Variants in FLNA observed in about 807,000 individuals in gnomAD.
FLNA encodes the protein filamin-A.
In FLNA, 7 loss-of-function variants were observed where a neutral mutation model predicts 157.6. The ratio of observed to expected loss-of-function variants is 0.04; its 90% CI spans 0.03 to 0.08. The LOEUF is 0.08. FLNA is among the 10% of genes least tolerant of loss of function. The pLI, the probability that FLNA is intolerant of heterozygous loss-of-function variation, is 1.00. For synonymous variants in FLNA, 1,103 were observed against 1,060.8 expected, an observed-to-expected ratio of 1.04 and a Z score of -0.77; for missense variants, 1,750 against 2,398.4, an observed-to-expected ratio of 0.73 and a Z score of 5.65.
In FLNA at chrX:154,357,506, C is replaced by T; in HGVS notation, c.4873G>A (p.Asp1625Asn). 8.3e-7 allele frequency: 1 copy of T among 1,211,843 alleles called. No individual in the cohort carries two copies. Among genetic ancestry groups the T allele is most frequent in the Non-Finnish European group, 1.1e-6 (1 of 895,272 alleles). The part of the protein sequence containing the change: ...RYTILIKYGG[D>N]EIPFSPYRVR... Reference sequence around the variant, plus strand: ...CGGTACGGGGAGAAGGGGATCTCGTCACCACCGTACTTGATGAGGATGGTG... The same window carrying T: ...CGGTACGGGGAGAAGGGGATCTCGTTACCACCGTACTTGATGAGGATGGTG... The change falls in exon 29 of 48, where the codon GAC (aspartate) becomes AAC (asparagine). Residue 1625 changes from aspartate to asparagine, a missense_variant. Physicochemically the swap from Asp to Asn is conservative, Grantham distance 23 (BLOSUM62 1). Transcript: ENST00000369850.
chrX:154,352,996 C>T lies in FLNA; in HGVS notation c.6226+5G>A, dbSNP rs782415960. The T allele has an allele frequency of 8.3e-7, 1 of 1,210,704 alleles. No homozygotes were observed. The highest frequency in any genetic ancestry group is 1.1e-6 in the Non-Finnish European group (1 of 894,607). The stretch of plus-strand genomic sequence containing the variant: ...CGCCCCAGCTGGTGGGCAGCCACTG[C>T]CTACCTGCATCGCGGGTATCAATGA... On this transcript the variant is annotated splice_donor_5th_base_variant and intron_variant, in intron 38 of 47. Coordinates refer to ENST00000369850, the MANE Select transcript of FLNA (RefSeq NM_001110556.2).
Position 154,359,484 on chromosome X carries a change from C to T in FLNA, c.4142G>A (p.Arg1381Lys). Residue 1381 changes from arginine (R) to lysine (K), a missense_variant and splice_region_variant, in exon 24 of 48, where the codon AGG (arginine) becomes AAG (lysine). By Grantham distance (26) the Arg-to-Lys change is conservative. Coordinates refer to ENST00000369850, the MANE Select transcript of FLNA (RefSeq NM_001110556.2). The stretch of plus-strand genomic sequence containing the variant: ...CACGGGCTCCTGGGGGCTCCCTTAC[C>T]TGGTCTCCACAGTGAACTTGTTGGG... Reference protein sequence around the residue: ...NKPNKFTVETRGAGTGGLGLA... With the variant: ...NKPNKFTVETKGAGTGGLGLA... 8.3e-7 allele frequency: 1 copy of T among 1,211,736 alleles called. No individual in the cohort carries two copies. Among genetic ancestry groups the T allele is most frequent in the African/African-American group, 1.7e-5 (1 of 57,845 alleles).
In FLNA at chrX:154,349,488, C is replaced by A. The variant is rs782714612; in HGVS notation, c.7630G>T (p.Ala2544Ser). The change falls in exon 47 of 48, where the codon GCC becomes TCC. Residue 2544 changes from alanine to serine, a missense_variant. Ala to Ser is a moderately conservative substitution (Grantham distance 99, BLOSUM62 1). Transcript: ENST00000369850. ...GGACCCGGGGCCCCATGCTGGGGGG[C>A]ACAGGTGGCCTTGGTCAGAGAGTCT... is the stretch of plus-strand genomic sequence containing the variant. ...FVDSLTKATC[A>S]PQHGAPGPGP... The A allele has an allele frequency of 4.1e-6, 5 of 1,212,151 alleles. No homozygotes were observed. Among genetic ancestry groups the A allele is most frequent in the Non-Finnish European group, 5.6e-6 (5 of 895,489 alleles).
In FLNA at chrX:154,350,264, G is replaced by T. The variant is rs892944101; in HGVS notation, c.7157-57C>A. The T allele has an allele frequency of 1.1e-5, 12 of 1,070,054 alleles. No individual in the cohort carries two copies. In the East Asian group the frequency reaches 3.3e-4, roughly 30 times the overall value. The allele number at this position is 1,070,054 out of a possible 1,213,427, so 88.2% of individuals were successfully genotyped here. ...GGGCCCCTCCTCAAACCAGCAGATGGTGTCTGTGAGGAACAGCCTCAACCC... is the reference window on the plus strand; with the variant it reads ...GGGCCCCTCCTCAAACCAGCAGATGTTGTCTGTGAGGAACAGCCTCAACCC... On this transcript the variant is annotated intron_variant, in intron 44 of 47. Transcript: ENST00000369850.
In FLNA at chrX:154,348,712, G is replaced by C. The variant is rs2067592712; in HGVS notation, c.*137C>G. On this transcript the variant is annotated 3_prime_UTR_variant, in exon 48 of 48. Transcript: ENST00000369850. ...CTGGCTGGGGAGGCAGGTGAGCGCA[G>C]CACGGCACAGGGCAGGGGCGGCTGC... 3.6e-6 allele frequency: 2 copies of C among 557,016 alleles called. No homozygotes were observed. The highest frequency in any genetic ancestry group is 7.9e-5 in the Admixed American group (2 of 25,466). 45.9% of individuals were successfully genotyped at this position (557,016 alleles called of 1,213,427 possible). A position where few individuals can be genotyped will look rare whatever the true frequency, so the allele number is the denominator to read the frequency against.
chrX:154,361,076 AAAAGAAAG>A (rs1569551712), intron 21 of FLNA, among the ~76,000 whole-genome samples: 1 of 89,028 alleles, frequency 1.1e-5, no homozygotes, highest in Non-Finnish European at 2.2e-5. Context: ...AAAAAAAAAA[AAAAGAAAG>A]AAAAAAAAAA....
chrX:154,366,908 T>C lies in FLNA; in HGVS notation c.869-58A>G, dbSNP rs965132302. The C allele has an allele frequency of 2.0e-5, 19 of 946,315 alleles. No individual in the cohort carries two copies. The Admixed American group carries it at 3.7e-4, about 19-fold the overall frequency. The allele number at this position is 946,315 out of a possible 1,213,427, so 78.0% of individuals were successfully genotyped here. On this transcript the variant is annotated intron_variant, in intron 5 of 47. Coordinates refer to ENST00000369850, the MANE Select transcript of FLNA (RefSeq NM_001110556.2). ...GCTGTTAAGGCCACAGCCTCACCCC[T>C]CCACCCTTCAGCCCTCCCTGCTGGC...
At position 154,353,584 on chromosome X, in the gene FLNA, G is replaced by A. The variant is rs2067639237; in HGVS notation, c.5830C>T (p.Pro1944Ser). ...ILVKYNEQHV[P>S]GSPFTARVTG... The stretch of plus-strand genomic sequence containing the variant: ...ACCCGAGCAGTGAAGGGGCTGCCTG[G>A]GACGTGCTGTTCATTGTACTTGACT... The change falls in exon 36 of 48, where the codon CCA (proline) becomes TCA (serine). Residue 1944 changes from proline (P) to serine (S), a missense_variant. Physicochemically the swap from Pro to Ser is moderately conservative, Grantham distance 74. Coordinates refer to ENST00000369850, the MANE Select transcript of FLNA (RefSeq NM_001110556.2). 2.5e-6 allele frequency: 3 copies of A among 1,211,647 alleles called. No individual in the cohort carries two copies. Among genetic ancestry groups the A allele is most frequent in the Non-Finnish European group, 3.4e-6 (3 of 895,428 alleles).
Position 154,364,382 on chromosome X carries a change from G to A in FLNA, c.2023-10C>T, listed in dbSNP as rs782658211. On this transcript the variant is annotated splice_polypyrimidine_tract_variant and intron_variant, in intron 13 of 47. Transcript: ENST00000369850. The stretch of plus-strand genomic sequence containing the variant: ...GCCCACGTGCCTTCACCTAGCGGGA[G>A]ACCACCCAGCTGTCAGGGGGCCAGG... 3 of 1,204,370 alleles carry A rather than the reference G, an allele frequency of 2.5e-6. No homozygotes were observed. In the Admixed American group the frequency reaches 6.5e-5, roughly 26 times the overall value.
chrX:154,350,188 G>A lies in FLNA; in HGVS notation c.7176C>T (p.Phe2392=), dbSNP rs934536261. ...EIDQDKYAVR[F]IPRENGVYLI... ...GGTAAACGCCATTCTCCCGAGGGAT[G>A]AAGCGCACAGCATACTTATCTGAGG... Residue 2392 remains phenylalanine (F), a synonymous_variant, in exon 45 of 48, where the codon TTC becomes TTT. Coordinates refer to ENST00000369850, the MANE Select transcript of FLNA (RefSeq NM_001110556.2). 6 of 1,211,794 alleles carry A rather than the reference G, an allele frequency of 5.0e-6. No individual in the cohort carries two copies. The highest frequency in any genetic ancestry group is 6.7e-6 in the Non-Finnish European group (6 of 895,377).
At chrX:154,365,305 G>A in intron 10 of FLNA, 44 bp downstream of exon 10, 2 of 1,211,826 alleles carry the variant, frequency 1.7e-6, no homozygotes, top group Non-Finnish European at 2.2e-6. Flanking sequence ...AGTGAACCCG[G>A]GGGCTGCCGC....
chrX:154,372,044 CG>C (rs1380976911), intron 1 of FLNA, among the ~76,000 whole-genome samples: 1 of 113,787 alleles, frequency 8.8e-6, no homozygotes, highest in African/African-American at 3.2e-5. Context: ...CCCTCGCCCG[CG>C]CACCTGTGCC....
rs1557175281 is a variant in FLNA, at chrX:154,349,465, A to C, written c.7653T>G (p.Gly2551=). ...CCTTGCTGGCGTCAGCAGGCCCAGG[A>C]CCCGGGGCCCCATGCTGGGGGGCAC... ...ATCAPQHGAP[G]PGPADASKVV... is the part of the protein sequence containing the mutation. The change falls in exon 47 of 48, where the codon GGT becomes GGG. Residue 2551 remains glycine, a synonymous_variant. Coordinates refer to ENST00000369850, the MANE Select transcript of FLNA (RefSeq NM_001110556.2). The C allele has an allele frequency of 8.3e-7, 1 of 1,211,541 alleles. No homozygotes were observed. Among genetic ancestry groups the C allele is most frequent in the Admixed American group, 2.2e-5 (1 of 46,174 alleles).
rs2067763886 is a variant in FLNA, at chrX:154,366,624, T to C, written c.1003A>G (p.Asn335Asp). The C allele has an allele frequency of 8.3e-7, 1 of 1,210,709 alleles. No homozygotes were observed. The highest frequency in any genetic ancestry group is 1.1e-6 in the Non-Finnish European group (1 of 895,092). The part of the protein sequence containing the change: ...GHQEEAKVTA[N>D]NDKNRTFSVW... ...GAGAAGGTGCGGTTCTTGTCGTTAT[T>C]GGCGGTCACTTTTGCCTGCAGTGGG... is the stretch of plus-strand genomic sequence containing the variant. The change falls in exon 7 of 48, where the codon AAT becomes GAT. Residue 335 changes from asparagine (N) to aspartate (D), a missense_variant. Coordinates refer to ENST00000369850, the MANE Select transcript of FLNA (RefSeq NM_001110556.2).
intron 1 of FLNA, among the ~76,000 whole-genome samples, chrX:154,372,530 T>G (rs990448777): frequency 1.8e-5 from 2 of 110,877 alleles, no homozygotes; most frequent in Non-Finnish European, 3.8e-5. Flanking sequence ...CACTCAAAAT[T>G]TTCTGGTAGA....
chrX:154,364,028 G>A lies in FLNA; in HGVS notation c.2274C>T (p.Pro758=), dbSNP rs377513054. ...SWGGVSIPNS[P]FRVNVGAGSH... Reference sequence around the variant, plus strand: ...CCGGTGGAGGTTGGCTCACCCTGAAGGGGCTGTTGGGGATGCTGACGCCTC... The same window carrying A: ...CCGGTGGAGGTTGGCTCACCCTGAAAGGGCTGTTGGGGATGCTGACGCCTC... Residue 758 remains proline, a synonymous_variant, in exon 15 of 48, where the codon CCC becomes CCT. Coordinates refer to ENST00000369850, the MANE Select transcript of FLNA (RefSeq NM_001110556.2). The A allele has an allele frequency of 8.3e-7, 1 of 1,211,011 alleles. No homozygotes were observed. Among genetic ancestry groups the A allele is most frequent in the Non-Finnish European group, 1.1e-6 (1 of 895,078 alleles).
chrX:154,350,685 G>A (rs1394812143), intron 44 of FLNA: 1 of 428,156 alleles, frequency 2.3e-6, no homozygotes, highest in Non-Finnish European at 4.1e-6. Context: ...TTTCCCTGTG[G>A]AGATGGCATG....
At chrX:154,368,541 G>A (rs187156772) in intron 2 of FLNA, among the ~76,000 whole-genome samples, 3 of 112,351 alleles carry the variant, frequency 2.7e-5, no homozygotes, top group Non-Finnish European at 5.7e-5. Flanking sequence ...ACCTGGAGTG[G>A]GGCTGGGGCT....
Position 154,353,539 on chromosome X carries a change from C to G in FLNA, c.5860+15G>C. 8.3e-7 allele frequency: 1 copy of G among 1,210,868 alleles called. No homozygotes were observed. ...CCTGCCACCCGTTTCTGTCACTGCT[C>G]CCAGTGCCACCCACCTGTGACCCGA... is the stretch of plus-strand genomic sequence containing the variant. On this transcript the variant is annotated intron_variant, in intron 36 of 47. Coordinates refer to ENST00000369850, the MANE Select transcript of FLNA (RefSeq NM_001110556.2).
Sources: allele counts gnomAD v4.1 joint callset (sites outside exome capture counted in the v4.1 genomes callset), GRCh38; gene constraint gnomAD v4.1.1; transcripts MANE v1.5; gene names NCBI Gene and HGNC (gene_info 2026-07-23, HGNC 2026-07-21).